Variants in TRIM16 observed in about 807,000 individuals in gnomAD.
TRIM16 encodes tripartite motif containing 16.
Under a neutral mutation model 50.4 loss-of-function variants are expected in TRIM16, and 33 were observed. That is an observed-to-expected ratio of 0.65 (90% CI 0.50 to 0.88). TRIM16 has a LOEUF of 0.88. Among genes scored for constraint, TRIM16 ranks in the 40% least tolerant of loss-of-function variants. The pLI is 0.00. For missense variants in TRIM16, 581 were observed against 686.8 expected, an observed-to-expected ratio of 0.85 and a Z score of 1.72; for synonymous variants, 229 against 270.7, an observed-to-expected ratio of 0.85 and a Z score of 1.51.
chr17:15,651,572 G>C lies in TRIM16; in HGVS notation c.38C>G (p.Pro13Arg). 3 of 1,613,756 alleles carry C rather than the reference G, an allele frequency of 1.9e-6. No individual in the cohort carries two copies. The highest frequency in any genetic ancestry group is 1.3e-5 in the African/African-American group (1 of 75,046). ...GGCTGGGGGCTGAGCAGTGGCCCTG[G>C]GCAGTGGCCCTGGAGCCATTAGATC... ...ELDLMAPGPLPRATAQPPAPL... is the reference protein window; with the variant it reads ...ELDLMAPGPLRRATAQPPAPL... The change falls in exon 7 of 12, where the codon CCC (proline) becomes CGC (arginine). Residue 13 changes from proline (P) to arginine (R), a missense_variant. By Grantham distance (103) the Pro-to-Arg change is moderately radical. This residue lies in a region of TRIM16 where 450 missense variants were observed against 544.3 expected (regional missense o/e 0.83). Coordinates refer to ENST00000649191, the MANE Select transcript of TRIM16 (RefSeq NM_001348119.1).
chr17:15,628,478 G>A lies in TRIM16; in HGVS notation c.*137C>T, dbSNP rs1986216050. On this transcript the variant is annotated 3_prime_UTR_variant, in exon 12 of 12. Transcript: ENST00000649191. ...CATATGGAGCAAAAGAGAGCAGCTG[G>A]AGAATGTTTTCATTCAGAGACCCCA... is the stretch of plus-strand genomic sequence containing the variant. 1 of 672,262 alleles carries A rather than the reference G, an allele frequency of 1.5e-6. No homozygotes were observed. The highest frequency in any genetic ancestry group is 2.9e-5 in the Admixed American group (1 of 33,940). The allele number at this position is 672,262 out of a possible 1,614,324, so 41.6% of individuals were successfully genotyped here.
chr17:15,666,094 A>G (rs563285085), intron 6 of TRIM16, among the ~76,000 whole-genome samples: 2 of 152,212 alleles, frequency 1.3e-5, no homozygotes, highest in South Asian at 4.2e-4. Context: ...TTTACCCTTT[A>G]TATTTCCACT....
At chr17:15,650,267 A>C (rs2150917828) in intron 7 of TRIM16, among the ~76,000 whole-genome samples, 1 of 152,364 alleles carries the variant, frequency 6.6e-6, no homozygotes, top group African/African-American at 2.4e-5. Flanking sequence ...GGCAAACGTC[A>C]ACTACACTTC....
chr17:15,632,808 T>G (rs1446388459), intron 9 of TRIM16, 134 bp from the exon 10 acceptor site: 6 of 1,232,918 alleles, frequency 4.9e-6, no homozygotes, highest in Middle Eastern at 5.5e-4. Context: ...AAAGTACATG[T>G]GAAGTGTCAA....
chr17:15,669,376 C>T (rs1890157545), intron 6 of TRIM16, among the ~76,000 whole-genome samples: 1 of 151,848 alleles, frequency 6.6e-6, no homozygotes, highest in South Asian at 2.1e-4. Context: ...AAATGAGATA[C>T]CTCTAAATTA....
At chr17:15,631,169 G>T (rs1424648888) in intron 11 of TRIM16, among the ~76,000 whole-genome samples, 1 of 152,202 alleles carries the variant, frequency 6.6e-6, no homozygotes, top group East Asian at 1.9e-4. Flanking sequence ...CACAAGGATT[G>T]AAAGACTGAT....
At chr17:15,657,472 A>G (rs1988031556) in intron 6 of TRIM16, among the ~76,000 whole-genome samples, 1 of 152,046 alleles carries the variant, frequency 6.6e-6, no homozygotes, top group Non-Finnish European at 1.5e-5. Flanking sequence ...AGTTGTCACC[A>G]CCATCTATCT....
In TRIM16 at chr17:15,640,475, T is replaced by C. The variant is rs371236544; in HGVS notation, c.615+2246A>G. Among the ~76,000 whole-genome samples, 472 of 148,228 alleles carry C rather than the reference T, an allele frequency of 3.2e-3. 33 individuals are homozygous for C. The East Asian group carries it at 0.054, about 17-fold the overall frequency. ...TCCTATGCCCATAATGGACTATAAA[T>C]ACACAGGCTGCTGCTGAGCAGGCGA... On this transcript the variant is annotated intron_variant, in intron 8 of 11. Coordinates refer to ENST00000649191, the MANE Select transcript of TRIM16 (RefSeq NM_001348119.1).
chr17:15,652,624 C>T (rs28715011), intron 6 of TRIM16, among the ~76,000 whole-genome samples: 1 of 150,822 alleles, frequency 6.6e-6, no homozygotes, highest in South Asian at 2.1e-4. Flanking sequence ...CCACGCCTGG[C>T]TCATTTTTGT....
intron 7 of TRIM16, among the ~76,000 whole-genome samples, chr17:15,650,710 G>A (rs1215335723): frequency 6.6e-6 from 1 of 152,184 alleles, no homozygotes; most frequent in African/African-American, 2.4e-5. Flanking sequence ...GACAATGGAT[G>A]TGCCATGCAG....
rs554444754 is a variant in TRIM16 at position 15,672,132 on chromosome 17, T to C, written c.-338+5044A>G. Among the ~76,000 whole-genome samples, 291 of 152,252 alleles carry C rather than the reference T, an allele frequency of 1.9e-3. 2 individuals are homozygous for C. Among genetic ancestry groups the C allele is most frequent in the Non-Finnish European group, 3.2e-3 (217 of 68,028 alleles). On this transcript the variant is annotated intron_variant, in intron 6 of 11. Transcript: ENST00000649191. ...TTTGCTTGGAGGAATTAATTTAACATATAAATTAATTTTCCCTTCATTGGA... is the reference window on the plus strand; with the variant it reads ...TTTGCTTGGAGGAATTAATTTAACACATAAATTAATTTTCCCTTCATTGGA...
At chr17:15,634,023 T>C (rs987375793) in intron 9 of TRIM16, among the ~76,000 whole-genome samples, 1 of 136,426 alleles carries the variant, frequency 7.3e-6, no homozygotes, top group African/African-American at 2.8e-5. Context: ...TGAAACCCCA[T>C]CTCTACTAAA....
intron 6 of TRIM16, among the ~76,000 whole-genome samples, chr17:15,664,008 G>C (rs1988364361): frequency 6.6e-6 from 1 of 152,186 alleles, no homozygotes; most frequent in South Asian, 2.1e-4. Flanking sequence ...TGCTAAAATG[G>C]GGTTTAAAAA....
chr17:15,633,203 G>T (rs887353699), intron 9 of TRIM16, among the ~76,000 whole-genome samples: 1 of 151,950 alleles, frequency 6.6e-6, no homozygotes, highest in Non-Finnish European at 1.5e-5. Context: ...TTGAAATAAC[G>T]TGTGATCAGG....
chr17:15,648,244 AAAACAAAC>A (rs1156917300), intron 7 of TRIM16, among the ~76,000 whole-genome samples: 2 of 146,284 alleles, frequency 1.4e-5, no homozygotes, highest in African/African-American at 2.8e-5. Context: ...AAAAAAACAA[AAAACAAAC>A]AAACAAACAA....
chr17:15,664,376 G>T (rs1387715714), intron 6 of TRIM16, among the ~76,000 whole-genome samples: 1 of 152,186 alleles, frequency 6.6e-6, no homozygotes, highest in Non-Finnish European at 1.5e-5. Flanking sequence ...AGAAGACGGG[G>T]ACAGTAAATA....
chr17:15,671,623 G>A (rs186744392), intron 6 of TRIM16, among the ~76,000 whole-genome samples: 2 of 151,692 alleles, frequency 1.3e-5, no homozygotes, highest in Non-Finnish European at 2.9e-5. Flanking sequence ...TTTTTTAACC[G>A]TATGCAAGTA....
intron 9 of TRIM16, among the ~76,000 whole-genome samples, chr17:15,633,676 G>A (rs1465734861): frequency 2.7e-5 from 4 of 146,000 alleles, no homozygotes; most frequent in African/African-American, 1.0e-4. Flanking sequence ...AAGTGGCTGG[G>A]ACTACAGGTG....
At chr17:15,652,736 C>T (rs61295879) in intron 6 of TRIM16, among the ~76,000 whole-genome samples, 18,547 of 152,076 alleles carry the variant, frequency 0.12, 1,982 homozygotes, top group African/African-American at 0.29. Flanking sequence ...GCTGGGATTA[C>T]AGGCATGAGC....
Sources: allele counts gnomAD v4.1 joint callset (sites outside exome capture counted in the v4.1 genomes callset), GRCh38; gene constraint gnomAD v4.1.1; regional missense constraint gnomAD v4.1.1; transcripts MANE v1.5; gene names NCBI Gene and HGNC (gene_info 2026-07-23, HGNC 2026-07-21).